The following DENND1A variants were observed in gnomAD, a reference collection of about 807,000 sequenced individuals.
The protein encoded by DENND1A is DENN domain-containing protein 1A.
Under a neutral mutation model 113.7 loss-of-function variants are expected in DENND1A, and 51 were observed. The ratio of observed to expected loss-of-function variants is 0.45; its 90% CI spans 0.36 to 0.57. The LOEUF (loss-of-function observed/expected upper bound fraction) is 0.57, where lower values mean the gene tolerates loss of function less well. Ranked by LOEUF, DENND1A falls within the 20% of genes least tolerant of loss-of-function variation. DENND1A has a pLI of 0.00. For missense variants in DENND1A, 1,258 were observed against 1,395.9 expected (o/e 0.90, Z 1.57); for synonymous variants, 565 against 570.8 (o/e 0.99, Z 0.14).
At chr9:123,545,218 G>C (rs961951099) in intron 13 of DENND1A, among the ~76,000 whole-genome samples, 4 of 152,096 alleles carry the variant, frequency 2.6e-5, no homozygotes, top group African/African-American at 7.3e-5. Context: ...CTGTCTTCTG[G>C]AGAAGGCTTC....
At chr9:123,539,219 T>C (rs2056090241) in intron 13 of DENND1A, among the ~76,000 whole-genome samples, 1 of 152,106 alleles carries the variant, frequency 6.6e-6, no homozygotes, top group South Asian at 2.1e-4. Context: ...CCTCAGTCTA[T>C]CCAATCTCTG....
At chr9:123,813,813 A>C (rs1280377476) in intron 2 of DENND1A, among the ~76,000 whole-genome samples, 1 of 151,818 alleles carries the variant, frequency 6.6e-6, no homozygotes, top group East Asian at 1.9e-4. Context: ...TCACAAACAA[A>C]CTTTTTACCT....
chr9:123,598,456 C>CAAAAAAAAAAAAAAA (rs780473231), intron 11 of DENND1A, among the ~76,000 whole-genome samples: 1 of 59,394 alleles, frequency 1.7e-5, no homozygotes, highest in African/African-American at 5.2e-5. Flanking sequence ...TCACAAATCT[C>CAAAAAAAAAAAAAAA]AAAAAAAAAA....
chr9:123,572,682 T>G (rs919750076), intron 12 of DENND1A, among the ~76,000 whole-genome samples: 9 of 152,220 alleles, frequency 5.9e-5, no homozygotes, highest in Non-Finnish European at 8.8e-5. Flanking sequence ...TTAAATATAT[T>G]TTGGATAAAA....
intron 11 of DENND1A, among the ~76,000 whole-genome samples, chr9:123,594,176 T>C (rs1051894708): frequency 6.6e-6 from 1 of 152,156 alleles, no homozygotes; most frequent in African/African-American, 2.4e-5. Context: ...TGCACTCCTA[T>C]GGCTACGTAT....
chr9:123,607,636 G>A (rs1178519522), intron 11 of DENND1A, among the ~76,000 whole-genome samples: 1 of 147,814 alleles, frequency 6.8e-6, no homozygotes, highest in Non-Finnish European at 1.5e-5. Context: ...ACATCCAGGT[G>A]AAATCCAACT....
At chr9:123,721,089 C>A (rs1341735924) in intron 5 of DENND1A, among the ~76,000 whole-genome samples, 1 of 152,212 alleles carries the variant, frequency 6.6e-6, no homozygotes, top group East Asian at 1.9e-4. Context: ...CCCTCTCTGC[C>A]CCAATGCAGA....
intron 4 of DENND1A, among the ~76,000 whole-genome samples, chr9:123,766,196 GCCCA>G (rs1402175737): frequency 1.3e-5 from 2 of 152,112 alleles, no homozygotes; most frequent in Non-Finnish European, 2.9e-5. Flanking sequence ...CCTCCCACTT[GCCCA>G]CTTCTTGCTG....
intron 5 of DENND1A, among the ~76,000 whole-genome samples, chr9:123,731,467 T>C (rs1286490919): frequency 2.0e-5 from 3 of 152,196 alleles, no homozygotes; most frequent in African/African-American, 4.8e-5. Flanking sequence ...GAAAAGATGG[T>C]CTTTTCAACA....
At chr9:123,649,637 T>G (rs1589510764) in intron 9 of DENND1A, among the ~76,000 whole-genome samples, 1 of 152,236 alleles carries the variant, frequency 6.6e-6, no homozygotes, top group East Asian at 1.9e-4. Context: ...TTTTTATATT[T>G]CTTCGGGAGT....
At chr9:123,787,153 C>T (rs1035121434) in intron 3 of DENND1A, among the ~76,000 whole-genome samples, 2 of 141,934 alleles carry the variant, frequency 1.4e-5, no homozygotes, top group Non-Finnish European at 3.0e-5. Context: ...TTATGTTTCT[C>T]TGCCTAATAA....
chr9:123,477,827 A>G (rs879613534), intron 13 of DENND1A, among the ~76,000 whole-genome samples: 1 of 152,110 alleles, frequency 6.6e-6, no homozygotes, highest in Non-Finnish European at 1.5e-5. Context: ...ATTGCTTTCC[A>G]AATCCTGCTC....
intron 5 of DENND1A, among the ~76,000 whole-genome samples, chr9:123,702,476 T>C (rs1174039643): frequency 6.6e-6 from 1 of 152,098 alleles, no homozygotes; most frequent in East Asian, 1.9e-4. Flanking sequence ...CCAATCAGAT[T>C]CAATTCAAAT....
chr9:123,420,432 G>A (rs1013751373), intron 19 of DENND1A, among the ~76,000 whole-genome samples: 3 of 152,208 alleles, frequency 2.0e-5, no homozygotes, highest in Non-Finnish European at 4.4e-5. Context: ...GGGGATGAGG[G>A]GGTGCTCAGG....
At chr9:123,496,152 T>TA (rs954459409) in intron 13 of DENND1A, among the ~76,000 whole-genome samples, 4 of 152,214 alleles carry the variant, frequency 2.6e-5, no homozygotes, top group African/African-American at 4.8e-5. Context: ...ATTTTGTTTT[T>TA]AAAAAAACCA....
intron 11 of DENND1A, among the ~76,000 whole-genome samples, chr9:123,598,309 T>C (rs2059787622): frequency 6.6e-6 from 1 of 151,968 alleles, no homozygotes; most frequent in Non-Finnish European, 1.5e-5. Context: ...GCTCAATAAC[T>C]CAGCCCCAAG....
At chr9:123,632,990 G>A (rs1247635106) in intron 9 of DENND1A, among the ~76,000 whole-genome samples, 1 of 151,922 alleles carries the variant, frequency 6.6e-6, no homozygotes, top group African/African-American at 2.4e-5. Context: ...TCACTACAAC[G>A]TCTGCCTCCC....
rs1395185257 is a variant in DENND1A, at chr9:123,655,807, G to A, written c.508-3684C>T. The stretch of plus-strand genomic sequence containing the variant: ...TCTGCTGATAAAAGACACAAGATAA[G>A]CCACTCTCCCAGCACTTTGCTTCTC... On this transcript the variant is annotated intron_variant, in intron 8 of 23. Coordinates refer to ENST00000394215, the MANE Select transcript of DENND1A (RefSeq NM_001352964.2). 3.9e-5 allele frequency among the ~76,000 whole-genome samples: 6 copies of A among 152,186 alleles called. No homozygotes were observed. The East Asian group carries it at 1.2e-3, about 29-fold the overall frequency.
chr9:123,517,618 C>CA, intron 13 of DENND1A, among the ~76,000 whole-genome samples: 1 of 151,342 alleles, frequency 6.6e-6, no homozygotes, highest in Middle Eastern at 3.4e-3. Flanking sequence ...GACCCTGTCT[C>CA]AAAAAAACAA....
Sources: allele counts gnomAD v4.1 joint callset (sites outside exome capture counted in the v4.1 genomes callset), GRCh38; gene constraint gnomAD v4.1.1; transcripts MANE v1.5; gene names NCBI Gene and HGNC (gene_info 2026-07-23, HGNC 2026-07-21).